ATP6V1H: variants seen among roughly 807,000 people sequenced by gnomAD.
The protein encoded by ATP6V1H is V-type proton ATPase subunit H.
ATP6V1H carries 39 observed loss-of-function variants against 71.7 expected under a neutral mutation model. That is an observed-to-expected ratio of 0.54 (90% CI 0.42 to 0.71). The LOEUF (loss-of-function observed/expected upper bound fraction) is 0.71. Ranked by LOEUF, ATP6V1H falls within the 30% of genes least tolerant of loss-of-function variation. The probability of loss-of-function intolerance (pLI) is 0.00; values close to 1 mark genes in which losing one functional copy is unlikely to be tolerated. For missense variants in ATP6V1H, 509 were observed against 594.9 expected, an observed-to-expected ratio of 0.86 and a Z score of 1.50; for synonymous variants, 192 against 199.3, an observed-to-expected ratio of 0.96 and a Z score of 0.31.
At chr8:53,742,141 T>C (rs960615977) in intron 13 of ATP6V1H, among the ~76,000 whole-genome samples, 5 of 152,196 alleles carry the variant, frequency 3.3e-5, no homozygotes, top group Non-Finnish European at 5.9e-5. Context: ...TCCTGAACCA[T>C]GTTTTTCCCC....
At chr8:53,786,259 C>T (rs866111306) in intron 9 of ATP6V1H, among the ~76,000 whole-genome samples, 2 of 152,316 alleles carry the variant, frequency 1.3e-5, no homozygotes, top group Middle Eastern at 3.4e-3. Flanking sequence ...CCCCCAGCCT[C>T]GCTGCCGCCT....
At chr8:53,804,629 G>C (rs1810020582) in intron 7 of ATP6V1H, among the ~76,000 whole-genome samples, 1 of 152,138 alleles carries the variant, frequency 6.6e-6, no homozygotes, top group Non-Finnish European at 1.5e-5. Context: ...AGCAGAGACG[G>C]CATCACTGAA....
Position 53,769,628 on chromosome 8 carries a change from C to T in ATP6V1H, c.1165G>A (p.Glu389Lys). 6.2e-7 allele frequency: 1 copy of T among 1,612,312 alleles called. No individual in the cohort carries two copies. Among genetic ancestry groups the T allele is most frequent in the Admixed American group, 1.7e-5 (1 of 59,834 alleles). Reference protein sequence around the residue: ...NAVRLNEKNYELLKILTKLLE... With the variant: ...NAVRLNEKNYKLLKILTKLLE... ...GAACAAAAAACTTACTTCAAGAGTT[C>T]ATAATTCTTCTCATTTAACCTCACA... Residue 389 changes from glutamate to lysine, a missense_variant, in exon 11 of 14, where the codon GAA (glutamate) becomes AAA (lysine). Transcript: ENST00000359530.
At chr8:53,801,334 T>C (rs995949129) in intron 8 of ATP6V1H, among the ~76,000 whole-genome samples, 2 of 152,192 alleles carry the variant, frequency 1.3e-5, no homozygotes, top group Non-Finnish European at 2.9e-5. Flanking sequence ...AAGATTTCCA[T>C]TGTTTTGGAG....
chr8:53,762,812 G>A (rs1808319506), intron 11 of ATP6V1H, among the ~76,000 whole-genome samples: 1 of 151,840 alleles, frequency 6.6e-6, no homozygotes. Flanking sequence ...AATCTGAACT[G>A]CACAGGTCCA....
At position 53,783,006 on chromosome 8, in the gene ATP6V1H, T is replaced by A. The variant is rs1024692389; in HGVS notation, c.871-10839A>T. 1.7e-4 allele frequency among the ~76,000 whole-genome samples: 26 copies of A among 152,312 alleles called. 1 individual carries two copies. The South Asian group carries it at 2.9e-3, about 17-fold the overall frequency. On this transcript the variant is annotated intron_variant, in intron 9 of 13. Coordinates refer to ENST00000359530, the MANE Select transcript of ATP6V1H (RefSeq NM_015941.4). Reference sequence around the variant, plus strand: ...AAGGATATTAGTCTAAAATTCTCTTTTTTTGTTGTGTCTCTGCCAGGCTTT... The same window carrying A: ...AAGGATATTAGTCTAAAATTCTCTTATTTTGTTGTGTCTCTGCCAGGCTTT...
intron 13 of ATP6V1H, among the ~76,000 whole-genome samples, chr8:53,725,928 G>A (rs539400917): frequency 9.2e-5 from 14 of 152,238 alleles, no homozygotes; most frequent in South Asian, 2.1e-4. Flanking sequence ...GGCGCTGACC[G>A]TTGACAAGAA....
intron 7 of ATP6V1H, 23 bp downstream of exon 7, chr8:53,811,141 G>A (rs1204677521): frequency 3.1e-6 from 5 of 1,604,252 alleles, no homozygotes; most frequent in Middle Eastern, 1.7e-4. Flanking sequence ...GGGATGTTTA[G>A]GCCAGTGAAG....
At chr8:53,812,423 T>G (rs939842969) in intron 6 of ATP6V1H, among the ~76,000 whole-genome samples, 1 of 152,226 alleles carries the variant, frequency 6.6e-6, no homozygotes, top group Non-Finnish European at 1.5e-5. Flanking sequence ...AATATTTACT[T>G]CCACTAGTGA....
chr8:53,786,816 A>C (rs1365151362), intron 9 of ATP6V1H, among the ~76,000 whole-genome samples: 3 of 152,246 alleles, frequency 2.0e-5, no homozygotes. Flanking sequence ...AACAAGGTGG[A>C]ATCAGGTGAC....
intron 9 of ATP6V1H, among the ~76,000 whole-genome samples, chr8:53,789,540 T>C (rs189499280): frequency 1.3e-5 from 2 of 152,078 alleles, no homozygotes; most frequent in South Asian, 4.1e-4. Context: ...GCACTTAAAA[T>C]ATTCTAAATA....
chr8:53,736,713 C>T (rs1436833202), intron 13 of ATP6V1H, among the ~76,000 whole-genome samples: 3 of 152,088 alleles, frequency 2.0e-5, no homozygotes, highest in Non-Finnish European at 4.4e-5. Flanking sequence ...GCAGGAAGAC[C>T]TAAGTAGTGA....
chr8:53,743,756 C>A (rs1037621340), intron 12 of ATP6V1H, 66 bp from the exon 13 acceptor site: 1 of 1,101,990 alleles, frequency 9.1e-7, no homozygotes, highest in Admixed American at 2.1e-5. Flanking sequence ...TGTAAGCAGG[C>A]AGCTCAAATA....
chr8:53,797,922 T>G (rs1291696453), intron 8 of ATP6V1H, among the ~76,000 whole-genome samples: 1 of 152,268 alleles, frequency 6.6e-6, no homozygotes, highest in East Asian at 1.9e-4. Flanking sequence ...TCATATCAAA[T>G]TATATTAAAA....
At chr8:53,825,410 A>G (rs986370996) in intron 4 of ATP6V1H, among the ~76,000 whole-genome samples, 4 of 151,968 alleles carry the variant, frequency 2.6e-5, no homozygotes, top group Non-Finnish European at 5.9e-5. Context: ...AAACTTTTTC[A>G]TAGATCAAAT....
At position 53,784,342 on chromosome 8, in the gene ATP6V1H, A is replaced by C. The variant is rs540504075; in HGVS notation, c.870+11305T>G. On this transcript the variant is annotated intron_variant, in intron 9 of 13. Coordinates refer to ENST00000359530, the MANE Select transcript of ATP6V1H (RefSeq NM_015941.4). The stretch of plus-strand genomic sequence containing the variant: ...TTGTTGGTTTAAAGTCTGTTTTATC[A>C]GAGACTAGGATTGCAACCCCTGCCT... Among the ~76,000 whole-genome samples, 327 of 152,258 alleles carry C rather than the reference A, an allele frequency of 2.1e-3. 1 individual carries two copies. Among genetic ancestry groups the C allele is most frequent in the African/African-American group, 7.6e-3 (317 of 41,532 alleles).
At chr8:53,765,252 A>G (rs1478951566) in intron 11 of ATP6V1H, among the ~76,000 whole-genome samples, 3 of 151,876 alleles carry the variant, frequency 2.0e-5, no homozygotes, top group Admixed American at 1.3e-4. Flanking sequence ...AAATACAAAA[A>G]TGAGCTGGGC....
intron 11 of ATP6V1H, among the ~76,000 whole-genome samples, chr8:53,762,527 C>CT (rs1808304068): frequency 6.6e-6 from 1 of 151,884 alleles, no homozygotes; most frequent in South Asian, 2.1e-4. Context: ...ACCAAGACAC[C>CT]TTGGAAGAAC....
intron 11 of ATP6V1H, among the ~76,000 whole-genome samples, chr8:53,767,059 C>T (rs1004051509): frequency 1.4e-4 from 21 of 152,250 alleles, no homozygotes; most frequent in Non-Finnish European, 2.5e-4. Context: ...ATCCTACCAA[C>T]GTGTGATGTC....
Sources: allele counts gnomAD v4.1 joint callset (sites outside exome capture counted in the v4.1 genomes callset), GRCh38; gene constraint gnomAD v4.1.1; transcripts MANE v1.5; gene names NCBI Gene and HGNC (gene_info 2026-07-23, HGNC 2026-07-21).